Variants in FGGY observed in about 807,000 individuals in gnomAD.
FGGY encodes the protein FGGY carbohydrate kinase domain-containing protein.
Under a neutral mutation model 71.3 loss-of-function variants are expected in FGGY, and 72 were observed. The observed-to-expected ratio is 1.01, with a 90% confidence interval of 0.84 to 1.23. The LOEUF (loss-of-function observed/expected upper bound fraction) is 1.23. Ranked by LOEUF, FGGY falls within the 50% of genes most tolerant of loss-of-function variation. FGGY has a pLI of 0.00. For missense variants in FGGY, 668 were observed against 682.3 expected, an observed-to-expected ratio of 0.98 and a Z score of 0.23; for synonymous variants, 251 against 250.3, an observed-to-expected ratio of 1.00 and a Z score of -0.02.
In FGGY at chr1:59,623,492, G is replaced by C. The variant is rs115090531; in HGVS notation, c.1012-2496G>C. ...ACATGGTGCTATCTGTGTTTTTCCT[G>C]TGGTTCACTCATCCCACATTTATTC... On this transcript the variant is annotated intron_variant, in intron 9 of 15. Transcript: ENST00000303721. Among the ~76,000 whole-genome samples, 348 of 152,268 alleles carry C rather than the reference G, an allele frequency of 2.3e-3. 4 individuals are homozygous for C. Among genetic ancestry groups the C allele is most frequent in the African/African-American group, 7.9e-3 (328 of 41,548 alleles).
At chr1:59,570,482 G>C (rs1461012935) in intron 8 of FGGY, among the ~76,000 whole-genome samples, 1 of 152,154 alleles carries the variant, frequency 6.6e-6, no homozygotes, top group Admixed American at 6.6e-5. Flanking sequence ...ATATCTCTTG[G>C]TAGGTCTGGG....
At chr1:59,384,290 G>A (rs1322099120) in intron 5 of FGGY, among the ~76,000 whole-genome samples, 2 of 151,938 alleles carry the variant, frequency 1.3e-5, no homozygotes, top group African/African-American at 4.8e-5. Flanking sequence ...CTCTTCCAGA[G>A]AGCAAAGCCT....
At chr1:59,665,112 T>C (rs890542334) in intron 12 of FGGY, among the ~76,000 whole-genome samples, 1 of 152,234 alleles carries the variant, frequency 6.6e-6, no homozygotes, top group East Asian at 1.9e-4. Flanking sequence ...AAATGATCCA[T>C]GATGGACTTC....
At position 59,593,685 on chromosome 1, in the gene FGGY, A is replaced by T. The variant is rs147343433; in HGVS notation, c.904-14118A>T. ...AGCTGATATTATACTAAGAACTTTT[A>T]TCTTTATTGAGGTGCTTATCAGAAT... On this transcript the variant is annotated intron_variant, in intron 8 of 15. Coordinates refer to ENST00000303721, the MANE Select transcript of FGGY (RefSeq NM_018291.5). 1.1e-3 allele frequency among the ~76,000 whole-genome samples: 161 copies of T among 152,326 alleles called. 3 individuals are homozygous for T. In the East Asian group the frequency reaches 0.025, roughly 24 times the overall value.
chr1:59,477,496 G>A (rs1202126343), intron 6 of FGGY, among the ~76,000 whole-genome samples: 2 of 152,164 alleles, frequency 1.3e-5, no homozygotes, highest in African/African-American at 4.8e-5. Flanking sequence ...CTGCTGCTTA[G>A]ACAGTCTTTG....
At chr1:59,628,618 G>A (rs2096880836) in intron 10 of FGGY, among the ~76,000 whole-genome samples, 1 of 152,148 alleles carries the variant, frequency 6.6e-6, no homozygotes, top group Non-Finnish European at 1.5e-5. Context: ...TAACTTTTGT[G>A]TAAATCTAAA....
intron 3 of FGGY, among the ~76,000 whole-genome samples, chr1:59,342,578 T>A (rs2050933757): frequency 6.6e-6 from 1 of 152,166 alleles, no homozygotes; most frequent in Non-Finnish European, 1.5e-5. Context: ...TTTCAACAGA[T>A]TGTATTAAGG....
intron 8 of FGGY, among the ~76,000 whole-genome samples, chr1:59,596,514 G>T (rs1004073427): frequency 2.6e-5 from 4 of 151,704 alleles, no homozygotes; most frequent in Non-Finnish European, 4.4e-5. Context: ...GTCAGATTTG[G>T]GTCTAAGTCT....
At chr1:59,670,961 T>C (rs1386736828) in intron 13 of FGGY, among the ~76,000 whole-genome samples, 1 of 152,244 alleles carries the variant, frequency 6.6e-6, no homozygotes, top group African/African-American at 2.4e-5. Flanking sequence ...TTCTAAGTTT[T>C]ATTTTTTAGT....
intron 8 of FGGY, among the ~76,000 whole-genome samples, chr1:59,566,370 G>A (rs1444424423): frequency 1.3e-4 from 20 of 152,064 alleles, no homozygotes. Context: ...TATTCTGTTT[G>A]TGTGTTCCAA....
chr1:59,613,700 C>A (rs71535353), intron 9 of FGGY, among the ~76,000 whole-genome samples: 1,605 of 152,088 alleles, frequency 0.011, 24 homozygotes, highest in African/African-American at 0.031. Context: ...AAAATCGATG[C>A]ATCCAGAAGC....
intron 5 of FGGY, among the ~76,000 whole-genome samples, chr1:59,420,057 C>T (rs1474001478): frequency 6.6e-6 from 1 of 152,176 alleles, no homozygotes; most frequent in Non-Finnish European, 1.5e-5. Flanking sequence ...AGCATCTTGG[C>T]TTGTTCACTA....
chr1:59,623,463 A>G (rs2096829200), intron 9 of FGGY, among the ~76,000 whole-genome samples: 1 of 152,188 alleles, frequency 6.6e-6, no homozygotes, highest in South Asian at 2.1e-4. Context: ...CACCAAGGAG[A>G]AGTACATGGT....
chr1:59,588,544 G>A (rs2096359534), intron 8 of FGGY, among the ~76,000 whole-genome samples: 1 of 152,154 alleles, frequency 6.6e-6, no homozygotes, highest in Non-Finnish European at 1.5e-5. Flanking sequence ...AGAGAGAAAG[G>A]GCGGGTTACC....
In FGGY at chr1:59,395,660, G is replaced by A. The variant is rs151278152; in HGVS notation, c.554+16823G>A. ...AGCACTTAACATGCTGGCCACTATT[G>A]TGAGTATTTTAGATACATTAACCCC... On this transcript the variant is annotated intron_variant, in intron 5 of 15. Transcript: ENST00000303721. 5.4e-3 allele frequency among the ~76,000 whole-genome samples: 820 copies of A among 152,284 alleles called. 8 individuals are homozygous for A. The highest frequency in any genetic ancestry group is 0.019 in the African/African-American group (788 of 41,562).
chr1:59,321,096 T>C (rs566819321), intron 1 of FGGY, among the ~76,000 whole-genome samples: 90 of 152,266 alleles, frequency 5.9e-4, no homozygotes, highest in African/African-American at 2.2e-3. Context: ...AAGAGGTACT[T>C]AGTAGGTAAT....
chr1:59,636,726 C>A (rs1170701934), intron 10 of FGGY, among the ~76,000 whole-genome samples: 1 of 152,200 alleles, frequency 6.6e-6, no homozygotes, highest in Non-Finnish European at 1.5e-5. Flanking sequence ...TGGTTTGTTT[C>A]CCTACACCAA....
At chr1:59,298,339 G>C (rs1288105560) in intron 1 of FGGY, among the ~76,000 whole-genome samples, 1 of 152,120 alleles carries the variant, frequency 6.6e-6, no homozygotes, top group African/African-American at 2.4e-5. Flanking sequence ...TGGGGGAACA[G>C]ATCAGAGGGG....
chr1:59,572,621 G>C (rs1367712152), intron 8 of FGGY, among the ~76,000 whole-genome samples: 1 of 152,194 alleles, frequency 6.6e-6, no homozygotes, highest in Non-Finnish European at 1.5e-5. Context: ...GTCTGTGTGA[G>C]AGATGATATC....
Sources: allele counts gnomAD v4.1 joint callset (sites outside exome capture counted in the v4.1 genomes callset), GRCh38; gene constraint gnomAD v4.1.1; transcripts MANE v1.5; gene names NCBI Gene and HGNC (gene_info 2026-07-23, HGNC 2026-07-21).